KIF13B: variants seen among roughly 807,000 people sequenced by gnomAD.
The protein encoded by KIF13B is kinesin family member 13B.
A neutral mutation model predicts 222.0 loss-of-function variants in KIF13B; 127 were observed. That is an observed-to-expected ratio of 0.57 (90% confidence interval 0.50 to 0.66). The LOEUF is 0.66. KIF13B is among the 30% of genes least tolerant of loss of function. The pLI, the probability that KIF13B is intolerant of heterozygous loss-of-function variation, is 0.00. For synonymous variants in KIF13B, 976 were observed against 919.0 expected, an observed-to-expected ratio of 1.06 and a Z score of -1.12; for missense variants, 2,173 against 2,379.0, an observed-to-expected ratio of 0.91 and a Z score of 1.80.
At position 29,130,649 on chromosome 8, in the gene KIF13B, T is replaced by C; in HGVS notation, c.2959A>G (p.Arg987Gly). The change falls in exon 24 of 40, where the codon AGG (arginine) becomes GGG (glycine). Residue 987 changes from arginine to glycine, a missense_variant. Coordinates refer to ENST00000524189, the MANE Select transcript of KIF13B (RefSeq NM_015254.4). ...ATTTGAACCCAGAATTCCAATTTCC[T>C]GGTCACTTCACTCCATCTAGGAAAT... The part of the protein sequence containing the change: ...SLRDRWSEVT[R>G]KLEFWVQILE... The C allele has an allele frequency of 6.2e-7, 1 of 1,613,882 alleles. No individual in the cohort carries two copies. The highest frequency in any genetic ancestry group is 8.5e-7 in the Non-Finnish European group (1 of 1,179,798).
intron 1 of KIF13B, among the ~76,000 whole-genome samples, chr8:29,253,842 A>AC (rs1476592052): frequency 2.0e-4 from 30 of 150,680 alleles, no homozygotes; most frequent in African/African-American, 7.3e-4. Context: ...AAAAAAAAAA[A>AC]AAAAAAAAAA....
chr8:29,257,043 C>A (rs1438216783), intron 1 of KIF13B, among the ~76,000 whole-genome samples: 1 of 152,150 alleles, frequency 6.6e-6, no homozygotes, highest in South Asian at 2.1e-4. Flanking sequence ...GGGTGAGCCA[C>A]CACACCTGGC....
chr8:29,228,204 G>A (rs977475623), intron 2 of KIF13B, among the ~76,000 whole-genome samples: 1 of 151,634 alleles, frequency 6.6e-6, no homozygotes, highest in Non-Finnish European at 1.5e-5. Context: ...AGTGGCTCAC[G>A]CCTGTAATCT....
chr8:29,239,728 T>C (rs1270997461), intron 2 of KIF13B, among the ~76,000 whole-genome samples: 3 of 152,208 alleles, frequency 2.0e-5, no homozygotes, highest in Non-Finnish European at 4.4e-5. Flanking sequence ...GGTGGCACGA[T>C]CTTGGCTAAC....
chr8:29,099,349 T>A, intron 35 of KIF13B, 108 bp from the exon 36 acceptor site: 1 of 723,274 alleles, frequency 1.4e-6, no homozygotes, highest in Non-Finnish European at 2.4e-6. Context: ...CTAAAGCTCC[T>A]TTGAATATAA....
chr8:29,249,954 C>A, intron 1 of KIF13B: 1 of 1,057,826 alleles, frequency 9.5e-7, no homozygotes, highest in East Asian at 5.9e-5. Flanking sequence ...CTCAGCCACA[C>A]TGCAACAAGT....
At chr8:29,117,199 G>C (rs1422451961) in intron 30 of KIF13B, among the ~76,000 whole-genome samples, 192 bp from the exon 31 acceptor site, 2 of 152,180 alleles carry the variant, frequency 1.3e-5, no homozygotes, top group East Asian at 1.9e-4. Flanking sequence ...GAAAAGTATA[G>C]AGCATGATGA....
chr8:29,127,011 A>C, intron 25 of KIF13B, 111 bp downstream of exon 25: 1 of 956,624 alleles, frequency 1.0e-6, no homozygotes, highest in Non-Finnish European at 1.6e-6. Context: ...AAGGTAAACA[A>C]AGAGATTCAC....
chr8:29,071,234 A>C lies in KIF13B; in HGVS notation c.5218+386T>G, dbSNP rs1807257241. ...GCCAAATGAGGGCGAGTCAGAGGCC[A>C]GCGAGATGTGTCCGGATGGGGTGAG... On this transcript the variant is annotated intron_variant, in intron 39 of 39. Coordinates refer to ENST00000524189, the MANE Select transcript of KIF13B (RefSeq NM_015254.4). The surrounding 1 kb of genome is among the most constrained non-coding windows in gnomAD (Gnocchi z 4.9). 6.6e-6 allele frequency among the ~76,000 whole-genome samples: 1 copy of C among 152,198 alleles called. No homozygotes were observed. The highest frequency in any genetic ancestry group is 2.4e-5 in the African/African-American group (1 of 41,452).
At chr8:29,140,280 G>C in intron 20 of KIF13B, 89 bp from the exon 21 acceptor site, 1 of 1,549,378 alleles carries the variant, frequency 6.5e-7, no homozygotes, top group South Asian at 1.2e-5. Flanking sequence ...CAGTCAAGTT[G>C]TCAGGTTAAT....
chr8:29,101,617 T>C (rs1808788984), intron 35 of KIF13B, among the ~76,000 whole-genome samples: 1 of 152,190 alleles, frequency 6.6e-6, no homozygotes. Context: ...CACTGAAAGA[T>C]ACACAATGCG....
At chr8:29,169,571 T>G (rs1370536367) in intron 10 of KIF13B, among the ~76,000 whole-genome samples, 1 of 152,226 alleles carries the variant, frequency 6.6e-6, no homozygotes, top group Non-Finnish European at 1.5e-5. Context: ...CAGTGAAAGT[T>G]TGGTTTTCCA....
chr8:29,219,656 G>T (rs1014077659), intron 2 of KIF13B, among the ~76,000 whole-genome samples: 1 of 151,962 alleles, frequency 6.6e-6, no homozygotes, highest in African/African-American at 2.4e-5. Context: ...GGGAGGCTGC[G>T]GTGAGAAAAT....
chr8:29,171,110 A>C (rs1237846449), intron 10 of KIF13B, among the ~76,000 whole-genome samples: 1 of 152,254 alleles, frequency 6.6e-6, no homozygotes, highest in Non-Finnish European at 1.5e-5. Flanking sequence ...GGGAGGTGGC[A>C]GTAGGAACGA....
At chr8:29,150,902 C>CT (rs1470625304) in intron 14 of KIF13B, among the ~76,000 whole-genome samples, 1 of 152,010 alleles carries the variant, frequency 6.6e-6, no homozygotes, top group African/African-American at 2.4e-5. Flanking sequence ...ACAATAACCT[C>CT]TAACTGTTTA....
At chr8:29,125,999 T>C (rs1586813289) in intron 26 of KIF13B, among the ~76,000 whole-genome samples, 2 of 151,986 alleles carry the variant, frequency 1.3e-5, no homozygotes, top group Non-Finnish European at 2.9e-5. Flanking sequence ...TCCCAGCTAC[T>C]TGGTAGGCTG....
In KIF13B at chr8:29,071,435, T is replaced by C. The variant is rs1283251951; in HGVS notation, c.5218+185A>G. On this transcript the variant is annotated intron_variant, in intron 39 of 39. Transcript: ENST00000524189. The surrounding 1 kb of genome is among the most constrained non-coding windows in gnomAD (Gnocchi z 4.9). The stretch of plus-strand genomic sequence containing the variant: ...ATCATCAGGAATTTTCCATGTCGTC[T>C]CCAGGGACTAGCCCTGCCCCCAGCC... Among the ~76,000 whole-genome samples the C allele has an allele frequency of 6.6e-6, 1 of 152,062 alleles. No homozygotes were observed. Among genetic ancestry groups the C allele is most frequent in the African/African-American group, 2.4e-5 (1 of 41,402 alleles).
At chr8:29,132,550 A>T (rs1288826131) in intron 22 of KIF13B, 85 bp from the exon 23 acceptor site, 3 of 833,642 alleles carry the variant, frequency 3.6e-6, no homozygotes, top group African/African-American at 3.5e-5. Context: ...ATACTTAATT[A>T]TATCAGGGAA....
At chr8:29,194,551 C>A (rs1211327999) in intron 3 of KIF13B, among the ~76,000 whole-genome samples, 2 of 152,158 alleles carry the variant, frequency 1.3e-5, no homozygotes, top group Non-Finnish European at 2.9e-5. Context: ...CTCTATTCCC[C>A]AATATGAAAG....
Sources: gnomAD v4.1 joint callset for allele counts (sites outside exome capture counted in the v4.1 genomes callset) on GRCh38, gnomAD v4.1.1 for gene constraint, Gnocchi (gnomAD v3.1) non-coding constraint, MANE v1.5 for transcripts, NCBI Gene and HGNC (gene_info 2026-07-23, HGNC 2026-07-21) for gene names.